Variants in TLL1 observed in about 807,000 individuals in gnomAD.
The protein encoded by TLL1 is tolloid-like protein 1.
TLL1 carries 49 observed loss-of-function variants against 128.2 expected under a neutral mutation model. That is an observed-to-expected ratio of 0.38 (90% CI 0.30 to 0.48). TLL1 has a LOEUF of 0.48. Among genes scored for constraint, TLL1 ranks in the 20% least tolerant of loss-of-function variants. TLL1 has a pLI of 0.96. For synonymous variants in TLL1, 454 were observed against 418.8 expected, an observed-to-expected ratio of 1.08 and a Z score of -1.03; for missense variants, 1,123 against 1,242.0, an observed-to-expected ratio of 0.90 and a Z score of 1.44.
chr4:166,023,293 G>A (rs1043030802), intron 8 of TLL1, among the ~76,000 whole-genome samples: 12 of 152,124 alleles, frequency 7.9e-5, no homozygotes, highest in East Asian at 3.9e-4. Context: ...CCAGCTATTC[G>A]TGAGACTGAG....
rs145237505 is a variant in TLL1, at chr4:166,052,909, A to G, written c.1525-2167A>G. On this transcript the variant is annotated intron_variant, in intron 12 of 20. Coordinates refer to ENST00000061240, the MANE Select transcript of TLL1 (RefSeq NM_012464.5). ...GCCATCTGGAAATGTTCTCATATTT[A>G]TAGAGAACCCTGATTTTGAAGGGAT... Among the ~76,000 whole-genome samples the G allele has an allele frequency of 2.1e-3, 302 of 145,126 alleles. 2 individuals carry two copies. Among genetic ancestry groups the G allele is most frequent in the African/African-American group, 5.8e-3 (223 of 38,604 alleles).
At chr4:166,077,316 C>T (rs1381745913) in intron 17 of TLL1, among the ~76,000 whole-genome samples, 1 of 151,458 alleles carries the variant, frequency 6.6e-6, no homozygotes, top group Non-Finnish European at 1.5e-5. Flanking sequence ...GGGCTAGTAG[C>T]TGTTCATTTA....
chr4:165,919,847 C>G, intron 1 of TLL1: 1 of 455,992 alleles, frequency 2.2e-6, no homozygotes, highest in Non-Finnish European at 4.4e-6. Context: ...GACCACTGCT[C>G]TAAGCAGTGT....
intron 1 of TLL1, among the ~76,000 whole-genome samples, chr4:165,908,660 T>C (rs1224694710): frequency 1.4e-5 from 2 of 147,856 alleles, no homozygotes; most frequent in African/African-American, 2.5e-5. Flanking sequence ...GTAAAGGAGG[T>C]TGGAGATACA....
At chr4:165,934,660 C>G (rs919811731) in intron 1 of TLL1, among the ~76,000 whole-genome samples, 1 of 152,166 alleles carries the variant, frequency 6.6e-6, no homozygotes, top group African/African-American at 2.4e-5. Flanking sequence ...TTATTCTGTA[C>G]CACGTTCTTT....
In TLL1 at chr4:166,102,509, G is replaced by A. The variant is rs1742338718; in HGVS notation, c.*1633G>A. 1 of 152,074 alleles carries A rather than the reference G, an allele frequency of 6.6e-6. No individual in the cohort carries two copies. 9.4% of individuals were successfully genotyped at this position (152,074 alleles called of 1,614,324 possible). ...CTTAGGTTTCATGGACAAATAATGGGAACTTCTAATTTTGATCAATCCCAT... is the reference window on the plus strand; with the variant it reads ...CTTAGGTTTCATGGACAAATAATGGAAACTTCTAATTTTGATCAATCCCAT... On this transcript the variant is annotated 3_prime_UTR_variant, in exon 21 of 21. Transcript: ENST00000061240.
rs971322346 is a variant in TLL1 at position 165,939,146 on chromosome 4, T to A, written c.170-50235T>A. On this transcript the variant is annotated intron_variant, in intron 1 of 20. Transcript: ENST00000061240. ...GGATCTTGCAAACTTTGAGGCTTCA[T>A]CGTAGAGTGATTGAATAACTAGCTG... Among the ~76,000 whole-genome samples the A allele has an allele frequency of 5.9e-5, 9 of 152,066 alleles. No individual in the cohort carries two copies. The South Asian group carries it at 8.3e-4, about 14-fold the overall frequency.
intron 12 of TLL1, among the ~76,000 whole-genome samples, chr4:166,048,710 A>G (rs1739575447): frequency 6.6e-6 from 1 of 152,248 alleles, no homozygotes; most frequent in African/African-American, 2.4e-5. Context: ...GAATGTCACC[A>G]AAGCAGAAAA....
intron 1 of TLL1, among the ~76,000 whole-genome samples, chr4:165,925,545 G>T (rs1372789446): frequency 6.6e-6 from 1 of 152,168 alleles, no homozygotes; most frequent in Non-Finnish European, 1.5e-5. Context: ...AAAGAAAGGG[G>T]TTTCTTGAGA....
intron 18 of TLL1, among the ~76,000 whole-genome samples, chr4:166,088,561 T>C (rs930331904): frequency 2.6e-5 from 4 of 152,076 alleles, no homozygotes; most frequent in Admixed American, 6.6e-5. Flanking sequence ...TTCAGGCTGA[T>C]TTCTGGAAAA....
At position 166,029,402 on chromosome 4, in the gene TLL1, AG is replaced by A. The variant is rs1738651289; in HGVS notation, c.1158+3972del. ...ATTTGTTGATACCTTTTTTTAATCA[AG>A]CAAATGAGACACTATTGTCTTTTGC... On this transcript the variant is annotated intron_variant, in intron 9 of 20. Coordinates refer to ENST00000061240, the MANE Select transcript of TLL1 (RefSeq NM_012464.5). 2.6e-5 allele frequency among the ~76,000 whole-genome samples: 4 copies of A among 152,178 alleles called. No individual in the cohort carries two copies. In the South Asian group the frequency reaches 8.3e-4, roughly 32 times the overall value.
chr4:165,921,924 T>C (rs1264673142), intron 1 of TLL1, among the ~76,000 whole-genome samples: 1 of 151,530 alleles, frequency 6.6e-6, no homozygotes, highest in Non-Finnish European at 1.5e-5. Context: ...CAAAGGAAAG[T>C]AAACAGAGCA....
intron 1 of TLL1, among the ~76,000 whole-genome samples, chr4:165,883,237 A>T (rs940235673): frequency 1.3e-5 from 2 of 152,182 alleles, no homozygotes; most frequent in African/African-American, 4.8e-5. Context: ...AATATCTCCC[A>T]GTGATAGAAT....
intron 5 of TLL1, among the ~76,000 whole-genome samples, chr4:165,999,082 G>A (rs2111026375): frequency 6.6e-6 from 1 of 152,148 alleles, no homozygotes; most frequent in Non-Finnish European, 1.5e-5. Context: ...TCAGCATTTT[G>A]ATCAAAACCA....
At chr4:166,017,300 G>A (rs996237719) in intron 8 of TLL1, among the ~76,000 whole-genome samples, 1 of 152,058 alleles carries the variant, frequency 6.6e-6, no homozygotes, top group African/African-American at 2.4e-5. Context: ...AGTATTTCAT[G>A]GTATGTATGT....
intron 1 of TLL1, among the ~76,000 whole-genome samples, chr4:165,966,515 A>G (rs532452428): frequency 2.6e-5 from 4 of 152,320 alleles, no homozygotes; most frequent in African/African-American, 9.6e-5. Context: ...GGGAAGATGT[A>G]TCGGGGGAAC....
At chr4:165,998,140 T>G (rs1240688623) in intron 5 of TLL1, among the ~76,000 whole-genome samples, 1 of 152,206 alleles carries the variant, frequency 6.6e-6, no homozygotes, top group African/African-American at 2.4e-5. Flanking sequence ...AGTGAACAGT[T>G]ATTGTCATCA....
chr4:165,955,932 C>T (rs963321842), intron 1 of TLL1, among the ~76,000 whole-genome samples: 16 of 152,100 alleles, frequency 1.1e-4, no homozygotes, highest in Admixed American at 7.2e-4. Context: ...AATTTTACAG[C>T]TGGGCCACTG....
chr4:165,966,765 C>T (rs1735398749), intron 1 of TLL1, among the ~76,000 whole-genome samples: 1 of 152,088 alleles, frequency 6.6e-6, no homozygotes, highest in Non-Finnish European at 1.5e-5. Flanking sequence ...CACATGCCTC[C>T]AGGGCAATAA....
Sources: allele counts gnomAD v4.1 joint callset (sites outside exome capture counted in the v4.1 genomes callset), GRCh38; gene constraint gnomAD v4.1.1; transcripts MANE v1.5; gene names NCBI Gene and HGNC (gene_info 2026-07-23, HGNC 2026-07-21).